Variants in LINGO2 observed in about 807,000 individuals in gnomAD.
LINGO2 encodes leucine rich repeat and Ig domain containing 2.
LINGO2 carries 14 observed loss-of-function variants against 30.6 expected under a neutral mutation model. The ratio of observed to expected loss-of-function variants is 0.46; its 90% CI spans 0.30 to 0.72. The LOEUF is 0.72. LINGO2 is among the 30% of genes least tolerant of loss of function. The probability of loss-of-function intolerance (pLI) is 0.07; values close to 1 mark genes in which losing one functional copy is unlikely to be tolerated. For synonymous variants in LINGO2, 317 were observed against 288.5 expected, an observed-to-expected ratio of 1.10 and a Z score of -1.00; for missense variants, 729 against 751.7, an observed-to-expected ratio of 0.97 and a Z score of 0.35.
At chr9:28,513,550 AT>A (rs758471101) in intron 1 of LINGO2, among the ~76,000 whole-genome samples, 2 of 152,204 alleles carry the variant, frequency 1.3e-5, no homozygotes, top group Non-Finnish European at 2.9e-5. Context: ...CATATCTTTT[AT>A]TGTCACTTGA....
intron 4 of LINGO2, among the ~76,000 whole-genome samples, chr9:28,163,263 C>A (rs974670566): frequency 3.3e-5 from 5 of 151,982 alleles, no homozygotes; most frequent in African/African-American, 9.7e-5. Context: ...AGGTATCAAT[C>A]GAATCTGCAG....
the LINGO2 span, among the ~76,000 whole-genome samples, chr9:28,796,416 G>T: frequency 6.6e-6 from 1 of 151,938 alleles, no homozygotes; most frequent in Non-Finnish European, 1.5e-5. Context: ...ATTTTTTTAG[G>T]TGTCAGAATT....
chr9:28,968,187 A>C, the LINGO2 span, among the ~76,000 whole-genome samples: 1 of 152,222 alleles, frequency 6.6e-6, no homozygotes, highest in Non-Finnish European at 1.5e-5. Flanking sequence ...TCGGTACAAA[A>C]TTGATAAATA....
chr9:28,735,422 T>G, the LINGO2 span, among the ~76,000 whole-genome samples: 1 of 152,208 alleles, frequency 6.6e-6, no homozygotes, highest in Non-Finnish European at 1.5e-5. Context: ...TTGCTGATGC[T>G]TTATCAATTA....
At chr9:29,027,368 C>T in the LINGO2 span, among the ~76,000 whole-genome samples, 1 of 152,138 alleles carries the variant, frequency 6.6e-6, no homozygotes, top group South Asian at 2.1e-4. Context: ...GACAGAGTCT[C>T]GCATTGTTGC....
At chr9:28,571,990 C>T (rs1823718655) in intron 1 of LINGO2, among the ~76,000 whole-genome samples, 1 of 151,968 alleles carries the variant, frequency 6.6e-6, no homozygotes, top group Admixed American at 6.6e-5. Context: ...GCAGGATTGC[C>T]ATAACCACAG....
chr9:29,080,540 T>C, the LINGO2 span, among the ~76,000 whole-genome samples: 3 of 152,164 alleles, frequency 2.0e-5, no homozygotes, highest in Admixed American at 2.0e-4. Flanking sequence ...GATGTTAGCG[T>C]GTCAATTTTA....
intron 4 of LINGO2, among the ~76,000 whole-genome samples, chr9:28,280,321 A>G (rs909738572): frequency 2.6e-5 from 4 of 152,166 alleles, no homozygotes; most frequent in African/African-American, 7.2e-5. Context: ...AGAGCTAAAT[A>G]TGTTCAAAAG....
intron 4 of LINGO2, among the ~76,000 whole-genome samples, chr9:28,070,761 G>C (rs1467416707): frequency 6.6e-6 from 1 of 152,122 alleles, no homozygotes; most frequent in Non-Finnish European, 1.5e-5. Flanking sequence ...ACCCAGGCTT[G>C]AGTGCAGTGG....
At chr9:28,774,075 C>T in the LINGO2 span, among the ~76,000 whole-genome samples, 7 of 145,632 alleles carry the variant, frequency 4.8e-5, no homozygotes, top group African/African-American at 2.0e-4. Context: ...CACACACACA[C>T]ACACACACTT....
At chr9:28,041,087 TAA>T (rs1465591445) in intron 4 of LINGO2, among the ~76,000 whole-genome samples, 1 of 152,216 alleles carries the variant, frequency 6.6e-6, no homozygotes, top group South Asian at 2.1e-4. Flanking sequence ...ACTGAAGGTC[TAA>T]AACTTTCCAA....
chr9:28,285,870 C>G (rs551922690), intron 4 of LINGO2, among the ~76,000 whole-genome samples: 1 of 152,106 alleles, frequency 6.6e-6, no homozygotes, highest in African/African-American at 2.4e-5. Context: ...AAATTCTACC[C>G]AGTAGTACAT....
chr9:28,912,965 C>G, the LINGO2 span, among the ~76,000 whole-genome samples: 1 of 151,592 alleles, frequency 6.6e-6, no homozygotes, highest in East Asian at 1.9e-4. Flanking sequence ...TCTTTCACAT[C>G]TCTCATTTCC....
At chr9:28,097,313 G>GAAA (rs2133294278) in intron 4 of LINGO2, among the ~76,000 whole-genome samples, 1 of 151,932 alleles carries the variant, frequency 6.6e-6, no homozygotes, top group Non-Finnish European at 1.5e-5. Flanking sequence ...AATACCATTT[G>GAAA]ACCCAGCCAT....
the LINGO2 span, among the ~76,000 whole-genome samples, chr9:29,014,020 C>T: frequency 6.6e-6 from 1 of 152,128 alleles, no homozygotes; most frequent in Admixed American, 6.6e-5. Context: ...CTCTCTGCCT[C>T]TCACTTTCCT....
At chr9:28,626,213 CT>C (rs1163484901) in intron 1 of LINGO2, among the ~76,000 whole-genome samples, 1 of 152,032 alleles carries the variant, frequency 6.6e-6, no homozygotes, top group Non-Finnish European at 1.5e-5. Flanking sequence ...GCCATTATCA[CT>C]TTTTGTATGA....
the LINGO2 span, among the ~76,000 whole-genome samples, chr9:28,719,534 G>C: frequency 6.6e-6 from 1 of 151,920 alleles, no homozygotes; most frequent in Admixed American, 6.6e-5. Context: ...TAAGGCATTT[G>C]GCCAGTCCCT....
At chr9:28,181,648 C>A (rs1219041187) in intron 4 of LINGO2, among the ~76,000 whole-genome samples, 1 of 152,128 alleles carries the variant, frequency 6.6e-6, no homozygotes, top group African/African-American at 2.4e-5. Flanking sequence ...CAGCAAAGAC[C>A]CTGCTTACAG....
chr9:28,524,037 A>G (rs571518524), intron 1 of LINGO2, among the ~76,000 whole-genome samples: 1 of 152,276 alleles, frequency 6.6e-6, no homozygotes, highest in Non-Finnish European at 1.5e-5. Flanking sequence ...CTACAAAGCT[A>G]CAGAAATTAT....
Sources: gnomAD v4.1 joint callset for allele counts (sites outside exome capture counted in the v4.1 genomes callset) on GRCh38, gnomAD v4.1.1 for gene constraint, MANE v1.5 for transcripts, NCBI Gene and HGNC (gene_info 2026-07-23, HGNC 2026-07-21) for gene names.